Variants in NEBL observed in about 807,000 individuals in gnomAD.
The protein encoded by NEBL is LIM and SH3 protein 2.
NEBL carries 122 observed loss-of-function variants against 140.2 expected under a neutral mutation model. The ratio of observed to expected loss-of-function variants is 0.87; its 90% CI spans 0.75 to 1.01. The LOEUF is 1.01. Ranked by LOEUF, NEBL falls within the 50% of genes least tolerant of loss-of-function variation. NEBL has a pLI of 0.00. For synonymous variants in NEBL, 436 were observed against 398.9 expected, an observed-to-expected ratio of 1.09 and a Z score of -1.11; for missense variants, 1,365 against 1,231.3, an observed-to-expected ratio of 1.11 and a Z score of -1.62.
intron 2 of NEBL, among the ~76,000 whole-genome samples, chr10:21,032,132 A>C (rs1267048905): frequency 6.6e-6 from 1 of 152,198 alleles, no homozygotes; most frequent in African/African-American, 2.4e-5. Context: ...TCTCCCATCA[A>C]ATGTTTTAAG....
chr10:21,160,259 G>T (rs1013598037), intron 2 of NEBL, among the ~76,000 whole-genome samples: 4 of 151,888 alleles, frequency 2.6e-5, no homozygotes, highest in Non-Finnish European at 5.9e-5. Context: ...CACTTCCTGG[G>T]CAGCAGCCCC....
intron 2 of NEBL, among the ~76,000 whole-genome samples, chr10:21,050,941 T>C (rs893056087): frequency 1.3e-5 from 2 of 152,214 alleles, no homozygotes; most frequent in African/African-American, 4.8e-5. Context: ...TCACTGACTT[T>C]CATCCTTTTG....
At chr10:21,118,088 G>A (rs1230099317) in intron 2 of NEBL, among the ~76,000 whole-genome samples, 1 of 152,004 alleles carries the variant, frequency 6.6e-6, no homozygotes, top group East Asian at 1.9e-4. Context: ...TGGCAACCTA[G>A]TGTCAGTCTG....
intron 2 of NEBL, among the ~76,000 whole-genome samples, chr10:21,053,209 TC>T (rs1016435789): frequency 2.6e-5 from 4 of 152,202 alleles, no homozygotes; most frequent in African/African-American, 9.7e-5. Flanking sequence ...CAACGTTCTT[TC>T]CCCCCTACCA....
Position 21,022,297 on chromosome 10 carries a change from A to T in NEBL, c.165-2096T>A, listed in dbSNP as rs575995461. 9.9e-5 allele frequency among the ~76,000 whole-genome samples: 15 copies of T among 152,192 alleles called. No individual in the cohort carries two copies. In the East Asian group the frequency reaches 2.9e-3, roughly 29 times the overall value. ...CTTCTCTAACATCCTCACTGTTTCA[A>T]ACTCGACTCTCCTGGTAAAAGTTTC... On this transcript the variant is annotated intron_variant, in intron 2 of 6. Transcript: ENST00000417816.
intron 3 of NEBL, among the ~76,000 whole-genome samples, chr10:21,208,819 G>A (rs1466037462): frequency 2.0e-5 from 3 of 152,118 alleles, no homozygotes; most frequent in South Asian, 2.1e-4. Flanking sequence ...CTGGGAAAAC[G>A]TAGTCCAACA....
chr10:21,093,096 G>C (rs775172361), intron 2 of NEBL, among the ~76,000 whole-genome samples: 1 of 148,258 alleles, frequency 6.7e-6, no homozygotes, highest in Non-Finnish European at 1.5e-5. Flanking sequence ...TATCTACCAA[G>C]GAGAAAAGAG....
At chr10:20,865,515 A>G (rs1265338236) in intron 7 of NEBL, among the ~76,000 whole-genome samples, 2 of 152,084 alleles carry the variant, frequency 1.3e-5, no homozygotes, top group African/African-American at 4.8e-5. Context: ...AGACCAAACC[A>G]TACTGCTTCT....
At chr10:21,081,055 A>G (rs1426027494) in intron 2 of NEBL, among the ~76,000 whole-genome samples, 4 of 152,000 alleles carry the variant, frequency 2.6e-5, no homozygotes, top group Admixed American at 2.6e-4. Context: ...GTATTTCACC[A>G]TGTTGGCCAG....
In NEBL at chr10:20,808,648, G is replaced by T. The variant is rs1025119284; in HGVS notation, c.2623C>A (p.His875Asn). 4 of 1,612,786 alleles carry T rather than the reference G, an allele frequency of 2.5e-6. No homozygotes were observed. The African/African-American group carries it at 4.0e-5, about 16-fold the overall frequency. The change falls in exon 26 of 28, where the codon CAC (histidine) becomes AAC (asparagine). Residue 875 changes from histidine to asparagine, a missense_variant. Coordinates refer to ENST00000377122, the MANE Select transcript of NEBL (RefSeq NM_006393.3). ...SLHMLSEKAS[H>N]YRRHWSRSHS... Reference sequence around the variant, plus strand: ...GATCGAGACCAGTGTCGCCTATAGTGACTCGCCTTTTCTATATTGGAGGGA... The same window carrying T: ...GATCGAGACCAGTGTCGCCTATAGTTACTCGCCTTTTCTATATTGGAGGGA...
At chr10:21,199,928 G>A (rs1841706969) in intron 3 of NEBL, among the ~76,000 whole-genome samples, 1 of 151,896 alleles carries the variant, frequency 6.6e-6, no homozygotes, top group Non-Finnish European at 1.5e-5. Flanking sequence ...CAGAGCTGGG[G>A]AGAGACTGTA....
chr10:21,211,119 C>T (rs1841908660), intron 3 of NEBL, among the ~76,000 whole-genome samples: 1 of 152,078 alleles, frequency 6.6e-6, no homozygotes, highest in Non-Finnish European at 1.5e-5. Context: ...GACTAAGTCT[C>T]GATTTGATCA....
At chr10:20,799,077 T>A (rs768639382) in intron 26 of NEBL, among the ~76,000 whole-genome samples, 1 of 152,190 alleles carries the variant, frequency 6.6e-6, no homozygotes, top group African/African-American at 2.4e-5. Flanking sequence ...TAAAATATAA[T>A]CATATGATAG....
At chr10:21,121,719 C>A (rs913257152) in intron 2 of NEBL, among the ~76,000 whole-genome samples, 1 of 152,004 alleles carries the variant, frequency 6.6e-6, no homozygotes, top group Non-Finnish European at 1.5e-5. Flanking sequence ...TAAATGTCAC[C>A]GGGGAAAGAC....
At chr10:20,894,212 G>A (rs1484337296) in intron 2 of NEBL, among the ~76,000 whole-genome samples, 9 of 152,236 alleles carry the variant, frequency 5.9e-5, no homozygotes, top group Admixed American at 5.2e-4. Context: ...GCTCACACCT[G>A]TAATCCCAGC....
At chr10:20,847,236 T>C (rs1842033675) in intron 11 of NEBL, among the ~76,000 whole-genome samples, 1 of 152,200 alleles carries the variant, frequency 6.6e-6, no homozygotes, top group Admixed American at 6.5e-5. Flanking sequence ...GCCTTTAGCA[T>C]ATGAATTGGG....
At chr10:20,901,555 C>T (rs185703958), upstream of NEBL, among the ~76,000 whole-genome samples, 24 of 152,160 alleles carry the variant, frequency 1.6e-4, no homozygotes, top group East Asian at 3.7e-3. Flanking sequence ...ACAATTAAAA[C>T]AGATCCAAAT....
chr10:21,235,204 G>A (rs1436807359), intron 3 of NEBL, among the ~76,000 whole-genome samples: 1 of 152,186 alleles, frequency 6.6e-6, no homozygotes, highest in African/African-American at 2.4e-5. Flanking sequence ...GCTGAAGCGG[G>A]AGGATCACTT....
intron 2 of NEBL, among the ~76,000 whole-genome samples, chr10:21,067,145 G>A (rs1294124732): frequency 6.6e-6 from 1 of 151,622 alleles, no homozygotes; most frequent in Non-Finnish European, 1.5e-5. Flanking sequence ...GCTAATTTTG[G>A]TATTTATAGT....
Sources: allele counts gnomAD v4.1 joint callset (sites outside exome capture counted in the v4.1 genomes callset), GRCh38; gene constraint gnomAD v4.1.1; transcripts MANE v1.5; gene names NCBI Gene and HGNC (gene_info 2026-07-23, HGNC 2026-07-21).